Variants in TRPV3 observed in about 807,000 individuals in gnomAD.
The protein encoded by TRPV3 is transient receptor potential cation channel subfamily V member 3, also known as VRL-3.
In TRPV3, 88 loss-of-function variants were observed where a neutral mutation model predicts 87.1. The ratio of observed to expected loss-of-function variants is 1.01; its 90% CI spans 0.85 to 1.21. The LOEUF (loss-of-function observed/expected upper bound fraction) is 1.21. TRPV3 is among the 50% of genes most tolerant of loss of function. The pLI is 0.00. For missense variants in TRPV3, 1,054 were observed against 1,030.1 expected (o/e 1.02, Z -0.32); for synonymous variants, 438 against 423.3 (o/e 1.03, Z -0.43).
chr17:3,545,149 G>C lies in TRPV3; in HGVS notation c.224+18C>G. ...GGCTGGGCCCAGGGCAAGGGGTTGG[G>C]CTGGGGCCCGTACTCACCACTGCCG... On this transcript the variant is annotated intron_variant, in intron 3 of 17. Transcript: ENST00000576742. 1.3e-6 allele frequency: 2 copies of C among 1,595,488 alleles called. No homozygotes were observed. The highest frequency in any genetic ancestry group is 1.7e-6 in the Non-Finnish European group (2 of 1,164,152).
chr17:3,535,471 T>TC, intron 7 of TRPV3, 102 bp downstream of exon 7: 1 of 1,165,650 alleles, frequency 8.6e-7, no homozygotes, highest in Non-Finnish European at 1.1e-6. Context: ...CCCTCTTTCT[T>TC]CCCCCCTCCT....
At chr17:3,539,040 T>TG (rs942637204) in intron 6 of TRPV3, among the ~76,000 whole-genome samples, 40 of 152,236 alleles carry the variant, frequency 2.6e-4, no homozygotes, top group Admixed American at 9.8e-4. Flanking sequence ...TGTCTGTCAG[T>TG]GGGGGAGTGG....
At chr17:3,545,918 A>T (rs2074519583) in intron 2 of TRPV3, among the ~76,000 whole-genome samples, 1 of 145,856 alleles carries the variant, frequency 6.9e-6, no homozygotes, top group Non-Finnish European at 1.5e-5. Flanking sequence ...TGAACCTGGG[A>T]GGTGGAGGCT....
At chr17:3,554,105 C>T (rs1300894387) in intron 2 of TRPV3, 1 of 152,530 alleles carries the variant, frequency 6.6e-6, no homozygotes, top group Non-Finnish European at 1.5e-5. Context: ...CTGCCCAGTT[C>T]CCAGGGGCTC....
chr17:3,528,722 C>T lies in TRPV3; in HGVS notation c.1401+115G>A. ...GGAAGCGTGAAGGACAACTGGGGGA[C>T]CCCGCCCAATCTCCTGGTCTCTCTG... On this transcript the variant is annotated intron_variant, in intron 10 of 17. Transcript: ENST00000576742. This position sits in a 1 kb window ranked among gnomAD's most constrained non-coding sequence, Gnocchi z 4.2. The T allele has an allele frequency of 1.6e-6, 2 of 1,274,842 alleles. No individual in the cohort carries two copies. The highest frequency in any genetic ancestry group is 1.5e-5 in the African/African-American group (1 of 67,108). 79.0% of individuals were successfully genotyped at this position (1,274,842 alleles called of 1,614,324 possible).
At position 3,518,773 on chromosome 17, in the gene TRPV3, GCA is replaced by G; in HGVS notation, c.1886_1887del (p.Val629AlafsTer12). On this transcript the variant is annotated frameshift_variant, in exon 15 of 18. Transcript: ENST00000576742. LOFTEE classifies it high-confidence loss of function. The surrounding 1 kb of genome is among the most constrained non-coding windows in gnomAD (Gnocchi z 4.3). ...CSSYGSFSDA[V>X]LELFKLTIGL... is the part of the protein sequence containing the mutation. ...CCTATGGTGAGCTTGAAGAGTTCCA[GCA>G]CTGCGTCGCTGAAGCTGCCGTAGGA... The G allele has an allele frequency of 6.2e-7, 1 of 1,614,100 alleles. No individual in the cohort carries two copies. Among genetic ancestry groups the G allele is most frequent in the Non-Finnish European group, 8.5e-7 (1 of 1,179,976 alleles).
At chr17:3,525,165 A>G (rs573013188) in intron 12 of TRPV3, among the ~76,000 whole-genome samples, 21 of 151,806 alleles carry the variant, frequency 1.4e-4, no homozygotes, top group South Asian at 6.3e-4. Context: ...GATTACAGGC[A>G]CCCGCCACCA....
At chr17:3,547,284 A>T (rs927536843) in intron 2 of TRPV3, among the ~76,000 whole-genome samples, 1 of 152,172 alleles carries the variant, frequency 6.6e-6, no homozygotes, top group South Asian at 2.1e-4. Flanking sequence ...GCCCCCGCTG[A>T]TCAGCACTTG....
intron 14 of TRPV3, among the ~76,000 whole-genome samples, chr17:3,519,795 T>C (rs1176533750): frequency 2.0e-5 from 3 of 147,374 alleles, no homozygotes; most frequent in Admixed American, 6.7e-5. Context: ...GATAGCTGGA[T>C]GGATGGACCG....
chr17:3,535,338 T>TACCTCCTCCCTTCCTTCCTCC (rs2074397596), intron 7 of TRPV3, among the ~76,000 whole-genome samples: 3 of 92,246 alleles, frequency 3.3e-5, no homozygotes, highest in African/African-American at 1.2e-4. Context: ...TTCCTTCCTC[T>TACCTCCTCCCTTCCTTCCTCC]CCCTCCTCCC....
intron 12 of TRPV3, among the ~76,000 whole-genome samples, chr17:3,526,345 G>A (rs2074299528): frequency 6.6e-6 from 1 of 152,052 alleles, no homozygotes; most frequent in Non-Finnish European, 1.5e-5. Context: ...AGGTGTGATG[G>A]TGCACGTCTG....
chr17:3,536,028 G>A (rs2074406190), intron 6 of TRPV3, among the ~76,000 whole-genome samples: 1 of 152,212 alleles, frequency 6.6e-6, no homozygotes, highest in South Asian at 2.1e-4. Context: ...CGATTCAGAG[G>A]GGTGCAGGAG....
At chr17:3,536,457 G>A (rs544397323) in intron 6 of TRPV3, among the ~76,000 whole-genome samples, 42 of 152,244 alleles carry the variant, frequency 2.8e-4, no homozygotes, top group African/African-American at 8.4e-4. Context: ...CCGTGGGGGC[G>A]CATGCCTGTA....
chr17:3,527,835 TA>T, intron 11 of TRPV3, 189 bp downstream of exon 11: 1 of 589,806 alleles, frequency 1.7e-6, no homozygotes, highest in South Asian at 2.0e-5. Flanking sequence ...GATAGAGAAG[TA>T]GATGGATGAA....
At chr17:3,523,794 A>T (rs2074268435) in intron 13 of TRPV3, among the ~76,000 whole-genome samples, 1 of 152,008 alleles carries the variant, frequency 6.6e-6, no homozygotes, top group African/African-American at 2.4e-5. Context: ...ACTGCATGGT[A>T]TATTTTCATT....
rs1349507101 is a variant in TRPV3, at chr17:3,543,478, C to T, written c.462G>A (p.Val154=). 1 of 1,613,064 alleles carries T rather than the reference C, an allele frequency of 6.2e-7. No individual in the cohort carries two copies. Among genetic ancestry groups the T allele is most frequent in the Non-Finnish European group, 8.5e-7 (1 of 1,179,996 alleles). The change falls in exon 5 of 18, where the codon GTG becomes GTA. Residue 154 remains valine, a synonymous_variant. Transcript: ENST00000576742. ...ELCRRRHDED[V]PDFLMHKLTA... ...CTGCCAGGCTCAGACACTCACCAGG[C>T]ACATCCTCATCATGGCGCCGCCTGC...
At chr17:3,527,625 G>A (rs62069865) in intron 11 of TRPV3, 86,586 of 243,294 alleles carry the variant, frequency 0.36, 18,229 homozygotes, top group Non-Finnish European at 0.45. Context: ...ATGGACGGAT[G>A]GACAGATGGA....
At chr17:3,527,234 C>T (rs1358402218) in intron 11 of TRPV3, among the ~76,000 whole-genome samples, 1 of 152,194 alleles carries the variant, frequency 6.6e-6, no homozygotes, top group Non-Finnish European at 1.5e-5. Context: ...CCTAGCGTTC[C>T]AGCCTCCGAG....
intron 7 of TRPV3, among the ~76,000 whole-genome samples, chr17:3,534,988 T>A (rs1597480972): frequency 6.6e-6 from 1 of 150,874 alleles, no homozygotes; most frequent in Non-Finnish European, 1.5e-5. Flanking sequence ...CCCCAACACC[T>A]CCTCCCAGCC....
Sources: gnomAD v4.1 joint callset for allele counts (sites outside exome capture counted in the v4.1 genomes callset) on GRCh38, gnomAD v4.1.1 for gene constraint, Gnocchi (gnomAD v3.1) non-coding constraint, MANE v1.5 for transcripts, NCBI Gene and HGNC (gene_info 2026-07-23, HGNC 2026-07-21) for gene names.